Variants in MAP2K3 observed in about 807,000 individuals in gnomAD.
The protein encoded by MAP2K3 is dual specificity mitogen-activated protein kinase kinase 3.
A neutral mutation model predicts 46.4 loss-of-function variants in MAP2K3; 30 were observed. The ratio of observed to expected loss-of-function variants is 0.65; its 90% CI spans 0.48 to 0.88. MAP2K3 has a LOEUF of 0.88. Ranked by LOEUF, MAP2K3 falls within the 40% of genes least tolerant of loss-of-function variation. The probability of loss-of-function intolerance (pLI) is 0.00; values close to 1 mark genes in which losing one functional copy is unlikely to be tolerated. For missense variants in MAP2K3, 380 were observed against 464.5 expected, an observed-to-expected ratio of 0.82 and a Z score of 1.67; for synonymous variants, 189 against 176.3, an observed-to-expected ratio of 1.07 and a Z score of -0.57.
intron 3 of MAP2K3, among the ~76,000 whole-genome samples, chr17:21,300,024 C>T (rs1976501011): frequency 6.6e-6 from 1 of 152,312 alleles, no homozygotes; most frequent in Non-Finnish European, 1.5e-5. Context: ...CTTGACGATA[C>T]TCCCTCCAGG....
At chr17:21,311,432 A>C (rs1459991720) in intron 9 of MAP2K3, among the ~76,000 whole-genome samples, 1 of 152,008 alleles carries the variant, frequency 6.6e-6, no homozygotes, top group Admixed American at 6.5e-5. Flanking sequence ...ACAGAGACCC[A>C]CCGGCCCGAT....
intron 1 of MAP2K3, chr17:21,296,322 A>G (rs1476736227): frequency 3.7e-5 from 23 of 629,056 alleles, no homozygotes; most frequent in Non-Finnish European, 5.2e-5. Context: ...CGCCACTCCA[A>G]GCCCAGAGCC....
chr17:21,302,432 C>A (rs1355022407), intron 6 of MAP2K3, among the ~76,000 whole-genome samples, 173 bp downstream of exon 6: 1 of 152,312 alleles, frequency 6.6e-6, no homozygotes, highest in Non-Finnish European at 1.5e-5. Flanking sequence ...CACCCCAGAC[C>A]AGAGCCTTTG....
chr17:21,290,823 C>G (rs987649419), intron 1 of MAP2K3, among the ~76,000 whole-genome samples: 1 of 152,308 alleles, frequency 6.6e-6, no homozygotes, highest in African/African-American at 2.4e-5. Flanking sequence ...TGGTGGCACA[C>G]GTCTGTAGTC....
intron 9 of MAP2K3, among the ~76,000 whole-genome samples, chr17:21,309,259 C>G (rs1299837657): frequency 6.6e-6 from 1 of 152,312 alleles, no homozygotes; most frequent in Non-Finnish European, 1.5e-5. Context: ...GGAACTGGCA[C>G]AGCATCACTT....
At chr17:21,292,302 A>C (rs1477255862) in intron 1 of MAP2K3, among the ~76,000 whole-genome samples, 1 of 152,428 alleles carries the variant, frequency 6.6e-6, no homozygotes, top group Non-Finnish European at 1.5e-5. Flanking sequence ...CACACAGTGC[A>C]GGAATCTCAA....
chr17:21,290,753 C>T (rs1396529764), intron 1 of MAP2K3, among the ~76,000 whole-genome samples: 1 of 152,304 alleles, frequency 6.6e-6, no homozygotes, highest in East Asian at 1.9e-4. Context: ...AGTTCACAAC[C>T]AGCCTGGGCA....
At chr17:21,303,269 C>G (rs1442331442) in intron 7 of MAP2K3, 35 bp downstream of exon 7, 1 of 1,613,324 alleles carries the variant, frequency 6.2e-7, no homozygotes, top group Non-Finnish European at 8.5e-7. Flanking sequence ...CACGGTGTAG[C>G]CAGTGGGAGG....
intron 5 of MAP2K3, 85 bp downstream of exon 5, chr17:21,301,078 ACGCCAGG>A: frequency 6.2e-7 from 1 of 1,605,682 alleles, no homozygotes; most frequent in Non-Finnish European, 8.5e-7. Flanking sequence ...TCCCTCCAGT[ACGCCAGG>A]TGCTGGGGAC....
intron 5 of MAP2K3, among the ~76,000 whole-genome samples, chr17:21,301,379 C>T (rs1244859257): frequency 6.6e-6 from 1 of 152,308 alleles, no homozygotes; most frequent in East Asian, 1.9e-4. Context: ...ATTCTGGGTT[C>T]TAGGTTTGTG....
At chr17:21,299,066 C>T in intron 3 of MAP2K3, 140 bp downstream of exon 3, 3 of 1,275,424 alleles carry the variant, frequency 2.4e-6, no homozygotes, top group Non-Finnish European at 3.4e-6. Context: ...TCGTCCTGCG[C>T]TGCTGGCTGT....
intron 6 of MAP2K3, 113 bp from the exon 7 acceptor site, chr17:21,303,070 C>T (rs1976694880): frequency 5.1e-6 from 7 of 1,379,532 alleles, no homozygotes; most frequent in Admixed American, 1.9e-5. Flanking sequence ...GTAGCCTGTG[C>T]AGCGGGAGCG....
chr17:21,286,395 G>A (rs1195605887), intron 1 of MAP2K3, among the ~76,000 whole-genome samples: 1 of 152,256 alleles, frequency 6.6e-6, no homozygotes, highest in Non-Finnish European at 1.5e-5. Flanking sequence ...GCCCTATGTG[G>A]GCCTGGGGAG....
intron 9 of MAP2K3, 49 bp from the exon 10 acceptor site, chr17:21,312,093 C>T (rs769290368): frequency 3.4e-6 from 5 of 1,477,820 alleles, no homozygotes; most frequent in East Asian, 2.6e-5. Context: ...GGGTGCAGAG[C>T]GTGGTTGTAT....
intron 9 of MAP2K3, 38 bp downstream of exon 9, chr17:21,305,166 G>A (rs760745348): frequency 3.1e-6 from 5 of 1,614,150 alleles, no homozygotes; most frequent in Non-Finnish European, 4.2e-6. Flanking sequence ...TGGTGGTCAG[G>A]TGGGGTGGGT....
At chr17:21,312,555 G>T (rs1977214794) in intron 10 of MAP2K3, among the ~76,000 whole-genome samples, 1 of 152,140 alleles carries the variant, frequency 6.6e-6, no homozygotes. Context: ...CAAAAAACAA[G>T]TTTGCTTTTA....
At chr17:21,293,390 G>T (rs1976054995) in intron 1 of MAP2K3, among the ~76,000 whole-genome samples, 1 of 152,312 alleles carries the variant, frequency 6.6e-6, no homozygotes, top group African/African-American at 2.4e-5. Flanking sequence ...GTGGTTCCAT[G>T]TTGCAGGCGG....
chr17:21,302,097 C>A, intron 5 of MAP2K3, 46 bp from the exon 6 acceptor site: 1 of 1,598,602 alleles, frequency 6.3e-7, no homozygotes, highest in Non-Finnish European at 8.6e-7. Flanking sequence ...GTGGTGCAGA[C>A]ACGGGCAGCC....
Position 21,307,718 on chromosome 17 carries a change from C to T in MAP2K3, c.774+2590C>T, listed in dbSNP as rs552852511. Among the ~76,000 whole-genome samples, 821 of 150,584 alleles carry T rather than the reference C, an allele frequency of 5.5e-3. 1 individual carries two copies. Among genetic ancestry groups the T allele is most frequent in the Admixed American group, 0.017 (262 of 15,082 alleles). The stretch of plus-strand genomic sequence containing the variant: ...TTTGAGATGGAGTCTCACTCTGTTG[C>T]CCAGGCTGGAGTGCAATGGGACGAT... On this transcript the variant is annotated intron_variant, in intron 9 of 11. Coordinates refer to ENST00000342679, the MANE Select transcript of MAP2K3 (RefSeq NM_145109.3).
Sources: allele counts gnomAD v4.1 joint callset (sites outside exome capture counted in the v4.1 genomes callset), GRCh38; gene constraint gnomAD v4.1.1; transcripts MANE v1.5; gene names NCBI Gene and HGNC (gene_info 2026-07-23, HGNC 2026-07-21).